Variants in NTM observed in about 807,000 individuals in gnomAD.
The protein encoded by NTM is IgLON family member 2.
NTM carries 13 observed loss-of-function variants against 42.1 expected under a neutral mutation model. The observed-to-expected ratio is 0.31, with a 90% CI of 0.20 to 0.49. The LOEUF (loss-of-function observed/expected upper bound fraction) is 0.49, where lower values mean the gene tolerates loss of function less well. NTM is among the 20% of genes least tolerant of loss of function. The pLI is 0.99. For missense variants in NTM, 373 were observed against 452.8 expected (o/e 0.82, Z 1.60); for synonymous variants, 187 against 179.2 (o/e 1.04, Z -0.35).
At chr11:132,125,291 G>C (rs2065494114) in intron 2 of NTM, among the ~76,000 whole-genome samples, 1 of 149,824 alleles carries the variant, frequency 6.7e-6, no homozygotes, top group South Asian at 2.2e-4. Flanking sequence ...GTGTTTGTGT[G>C]TGTGTGTGTG....
At chr11:131,431,024 A>T (rs1167075049) in intron 1 of NTM, among the ~76,000 whole-genome samples, 1 of 152,226 alleles carries the variant, frequency 6.6e-6, no homozygotes. Flanking sequence ...GATTCATATT[A>T]GCTTGATTTG....
At position 131,905,133 on chromosome 11, in the gene NTM, C is replaced by G. The variant is rs184245148; in HGVS notation, c.83-6431C>G. 8.3e-3 allele frequency among the ~76,000 whole-genome samples: 1,256 copies of G among 152,238 alleles called. 8 individuals are homozygous for G. The highest frequency in any genetic ancestry group is 0.011 in the Non-Finnish European group (733 of 68,014). ...CTGTGCTAAACTCTTTGCAGCTACT[C>G]CCTCATCTCATCCTCACAGCAGTAC... On this transcript the variant is annotated intron_variant, in intron 1 of 8. Transcript: ENST00000683400.
intron 1 of NTM, among the ~76,000 whole-genome samples, chr11:131,607,145 G>C (rs1448983611): frequency 6.6e-6 from 1 of 152,190 alleles, no homozygotes; most frequent in Non-Finnish European, 1.5e-5. Context: ...ACAAATGTCT[G>C]CATCACTTGC....
intron 4 of NTM, among the ~76,000 whole-genome samples, chr11:132,293,815 C>CA (rs947186997): frequency 6.6e-6 from 1 of 152,118 alleles, no homozygotes; most frequent in Admixed American, 6.5e-5. Context: ...AAGCCACACT[C>CA]ACTGATTTAT....
intron 1 of NTM, among the ~76,000 whole-genome samples, chr11:131,740,629 G>C (rs2081062030): frequency 6.6e-6 from 1 of 152,034 alleles, no homozygotes; most frequent in African/African-American, 2.4e-5. Context: ...GTCTCTGTCT[G>C]GGGTTTCTGT....
chr11:132,174,280 T>C (rs945870164), intron 3 of NTM, among the ~76,000 whole-genome samples: 4 of 152,188 alleles, frequency 2.6e-5, no homozygotes, highest in African/African-American at 9.7e-5. Context: ...ATCTGCAAAA[T>C]AGACTTATGA....
At chr11:131,666,741 C>A in intron 1 of NTM, among the ~76,000 whole-genome samples, 1 of 152,244 alleles carries the variant, frequency 6.6e-6, no homozygotes, top group African/African-American at 2.4e-5. Flanking sequence ...GCAACAGAGA[C>A]GTCCAGGGTC....
At chr11:131,680,207 G>A (rs2072201285) in intron 1 of NTM, among the ~76,000 whole-genome samples, 1 of 152,144 alleles carries the variant, frequency 6.6e-6, no homozygotes, top group African/African-American at 2.4e-5. Flanking sequence ...CCAAGGGCTG[G>A]CCTGCTCATG....
chr11:131,878,280 A>T (rs1020026), intron 1 of NTM, among the ~76,000 whole-genome samples: 79,694 of 151,586 alleles, frequency 0.53, 21,243 homozygotes, highest in East Asian at 0.81. Flanking sequence ...TTAATAAAAA[A>T]TATGTCTTGG....
intron 1 of NTM, among the ~76,000 whole-genome samples, chr11:131,892,501 GTAAGGCA>G (rs1304111977): frequency 1.3e-5 from 2 of 152,200 alleles, no homozygotes; most frequent in Non-Finnish European, 2.9e-5. Context: ...TAATTTAAAA[GTAAGGCA>G]TGCAGTGCTT....
chr11:131,860,569 C>T (rs983822186), intron 1 of NTM, among the ~76,000 whole-genome samples: 3 of 152,152 alleles, frequency 2.0e-5, no homozygotes, highest in African/African-American at 4.8e-5. Flanking sequence ...AAGGAAAATA[C>T]GTATTCAGCA....
At chr11:132,006,615 A>T (rs1238753063) in intron 2 of NTM, among the ~76,000 whole-genome samples, 1 of 152,244 alleles carries the variant, frequency 6.6e-6, no homozygotes. Context: ...GTGTGTGCCT[A>T]GGCACCTATT....
chr11:132,042,926 G>T (rs1011812716), intron 2 of NTM, among the ~76,000 whole-genome samples: 5 of 152,108 alleles, frequency 3.3e-5, no homozygotes, highest in African/African-American at 1.2e-4. Flanking sequence ...CTGGTATATA[G>T]TTGGTGCACA....
chr11:131,445,352 G>A lies in NTM; in HGVS notation c.82+74464G>A, dbSNP rs545340655. On this transcript the variant is annotated intron_variant, in intron 1 of 8. Coordinates refer to ENST00000683400, the MANE Select transcript of NTM (RefSeq NM_001352005.2). ...ATTTGAGATTCATTTAGTTCTCATT[G>A]GTCACCTTAGGAAGCACAGTGCATC... is the stretch of plus-strand genomic sequence containing the variant. 7.3e-4 allele frequency among the ~76,000 whole-genome samples: 111 copies of A among 152,266 alleles called. No homozygotes were observed. The South Asian group carries it at 9.3e-3, about 13-fold the overall frequency.
chr11:131,643,152 G>A (rs369730149), intron 1 of NTM, among the ~76,000 whole-genome samples: 2 of 152,058 alleles, frequency 1.3e-5, no homozygotes, highest in Admixed American at 6.5e-5. Flanking sequence ...AGCCCCTGTC[G>A]TTATTTTCAG....
chr11:131,905,991 A>C (rs1243694925), intron 1 of NTM, among the ~76,000 whole-genome samples: 1 of 152,150 alleles, frequency 6.6e-6, no homozygotes, highest in Admixed American at 6.5e-5. Context: ...CCTATAGGGG[A>C]GTGCAGGGTG....
intron 1 of NTM, among the ~76,000 whole-genome samples, chr11:131,590,429 C>T (rs190609334): frequency 6.6e-6 from 1 of 152,270 alleles, no homozygotes; most frequent in East Asian, 1.9e-4. Flanking sequence ...AAGTAACAGC[C>T]TCAGAGTTTA....
chr11:131,973,951 C>G (rs374333444), intron 2 of NTM, among the ~76,000 whole-genome samples: 3 of 152,266 alleles, frequency 2.0e-5, no homozygotes, highest in East Asian at 3.9e-4. Context: ...GCTGGAAGAC[C>G]AACTCCTCAG....
At chr11:131,965,408 C>G (rs1203708662) in intron 2 of NTM, among the ~76,000 whole-genome samples, 1 of 152,200 alleles carries the variant, frequency 6.6e-6, no homozygotes, top group Admixed American at 6.5e-5. Flanking sequence ...AATGCAGTCA[C>G]TGCTGGGCAT....
Sources: allele counts gnomAD v4.1 joint callset (sites outside exome capture counted in the v4.1 genomes callset), GRCh38; gene constraint gnomAD v4.1.1; transcripts MANE v1.5; gene names NCBI Gene and HGNC (gene_info 2026-07-23, HGNC 2026-07-21).